The following PLOD3 variants were observed in gnomAD, a reference collection of about 807,000 sequenced individuals.
The protein encoded by PLOD3 is procollagen-lysine,2-oxoglutarate 5-dioxygenase 3.
PLOD3 carries 73 observed loss-of-function variants against 96.9 expected under a neutral mutation model. That is an observed-to-expected ratio of 0.75 (90% CI 0.62 to 0.92). The LOEUF is 0.92. Among genes scored for constraint, PLOD3 ranks in the 40% least tolerant of loss-of-function variants. The pLI, the probability that PLOD3 is intolerant of heterozygous loss-of-function variation, is 0.00. For synonymous variants in PLOD3, 454 were observed against 413.7 expected (o/e 1.10, Z -1.18); for missense variants, 1,004 against 1,004.3 (o/e 1.00, Z 0.00).
At position 101,206,791 on chromosome 7, in the gene PLOD3, G is replaced by A. The variant is rs753540549; in HGVS notation, c.2049C>T (p.Gly683=). 3 of 1,583,750 alleles carry A rather than the reference G, an allele frequency of 1.9e-6. No individual in the cohort carries two copies. Among genetic ancestry groups the A allele is most frequent in the Non-Finnish European group, 2.6e-6 (3 of 1,164,796 alleles). The stretch of plus-strand genomic sequence containing the variant: ...GACTGGGGCGCACCTCATAGTCCAG[G>A]CCCTTGTGGTTGAGGGCAACGTTGA... ...FTLNVALNHK[G]LDYEGGGCRF... Residue 683 remains glycine (G), a synonymous_variant, in exon 18 of 19, where the codon GGC becomes GGT. Transcript: ENST00000223127.
Position 101,206,790 on chromosome 7 carries a change from G to A in PLOD3, c.2050C>T (p.Leu684=). 1 of 1,583,446 alleles carries A rather than the reference G, an allele frequency of 6.3e-7. No individual in the cohort carries two copies. ...TLNVALNHKG[L]DYEGGGCRFL... is the part of the protein sequence containing the mutation. ...TGACTGGGGCGCACCTCATAGTCCA[G>A]GCCCTTGTGGTTGAGGGCAACGTTG... The change falls in exon 18 of 19, where the codon CTG becomes TTG. Residue 684 remains leucine (L), a synonymous_variant. Coordinates refer to ENST00000223127, the MANE Select transcript of PLOD3 (RefSeq NM_001084.5).
Position 101,211,693 on chromosome 7 carries a change from G to A in PLOD3, c.1256C>T (p.Ser419Phe), listed in dbSNP as rs780103868. Residue 419 changes from serine (S) to phenylalanine (F), a missense_variant, in exon 12 of 19, where the codon TCC becomes TTC. By Grantham distance (155) the Ser-to-Phe change is radical. Coordinates refer to ENST00000223127, the MANE Select transcript of PLOD3 (RefSeq NM_001084.5). ...ENRKVIAPML[S>F]RHGKLWSNFW... ...GTTGGACCACAGCTTGCCGTGGCGG[G>A]ACAGCATGGGGGCGATCACCTTCCT... 6.2e-7 allele frequency: 1 copy of A among 1,606,778 alleles called. No homozygotes were observed. The highest frequency in any genetic ancestry group is 8.5e-7 in the Non-Finnish European group (1 of 1,177,280).
intron 5 of PLOD3, 28 bp downstream of exon 5, chr7:101,215,880 G>A (rs1330538846): frequency 1.4e-6 from 2 of 1,456,316 alleles, no homozygotes; most frequent in South Asian, 2.3e-5. Context: ...AGAGCTGCGG[G>A]ATGCGCCCAC....
chr7:101,217,291 A>C lies in PLOD3; in HGVS notation c.-17T>G. 6.9e-7 allele frequency: 1 copy of C among 1,449,506 alleles called. No homozygotes were observed. The allele number at this position is 1,449,506 out of a possible 1,614,324, so 89.8% of individuals were successfully genotyped here. On this transcript the variant is annotated 5_prime_UTR_variant, in exon 1 of 19. Transcript: ENST00000223127. ...GGAGGTCATGGTGGGGAGCGGGCCC[A>C]GACAGCACCCAGGATCCTGGGATCT...
In PLOD3 at chr7:101,217,383, G is replaced by T. The variant is rs1021001501; in HGVS notation, c.-109C>A. ...AAAGGGGGCGCTCGGGCTGCTGTGC[G>T]GCCGCCGCGGGGAGCAGCTTGGCTG... is the stretch of plus-strand genomic sequence containing the variant. On this transcript the variant is annotated 5_prime_UTR_variant, in exon 1 of 19. Coordinates refer to ENST00000223127, the MANE Select transcript of PLOD3 (RefSeq NM_001084.5). The T allele has an allele frequency of 8.8e-7, 1 of 1,134,578 alleles. No homozygotes were observed. Among genetic ancestry groups the T allele is most frequent in the Non-Finnish European group, 1.1e-6 (1 of 871,014 alleles). 70.3% of individuals were successfully genotyped at this position (1,134,578 alleles called of 1,614,324 possible).
chr7:101,210,753 C>T, intron 12 of PLOD3, 80 bp from the exon 13 acceptor site: 1 of 1,530,976 alleles, frequency 6.5e-7, no homozygotes, highest in Non-Finnish European at 9.0e-7. Flanking sequence ...GTCCTTCTTC[C>T]CTCAGGGTAT....
intron 6 of PLOD3, among the ~76,000 whole-genome samples, chr7:101,214,726 A>C (rs1798240997): frequency 6.6e-6 from 1 of 151,978 alleles, no homozygotes; most frequent in African/African-American, 2.4e-5. Context: ...AATCCCAGCT[A>C]CTCGGGAGGC....
chr7:101,213,005 C>T (rs1275099901), intron 7 of PLOD3, 62 bp from the exon 8 acceptor site: 2 of 1,426,586 alleles, frequency 1.4e-6, no homozygotes, highest in Admixed American at 1.7e-5. Context: ...GGGGGTCAGG[C>T]ACCTCTGATA....
At chr7:101,216,136 C>T (rs540193921) in intron 4 of PLOD3, 27 bp downstream of exon 4, 1 of 1,614,026 alleles carries the variant, frequency 6.2e-7, no homozygotes, top group Admixed American at 1.7e-5. Context: ...CTCTTGGCCC[C>T]TCTGCCTTGG....
At position 101,211,826 on chromosome 7, in the gene PLOD3, G is replaced by C; in HGVS notation, c.1232+20C>G. ...GCCTGTTGGGGTGCCCTCCGGCTGC[G>C]GGGAGAGGGGGTAAGCCACCTGTTC... is the stretch of plus-strand genomic sequence containing the variant. On this transcript the variant is annotated intron_variant, in intron 11 of 18. Transcript: ENST00000223127. 6.3e-7 allele frequency: 1 copy of C among 1,599,036 alleles called. No homozygotes were observed. The highest frequency in any genetic ancestry group is 8.5e-7 in the Non-Finnish European group (1 of 1,169,780).
intron 16 of PLOD3, among the ~76,000 whole-genome samples, chr7:101,208,378 A>C (rs1798119696): frequency 6.6e-6 from 1 of 152,096 alleles, no homozygotes; most frequent in Non-Finnish European, 1.5e-5. Context: ...AGTAGCTGGG[A>C]CTACAGGCGC....
chr7:101,209,932 G>A (rs1798154988), intron 15 of PLOD3, 161 bp downstream of exon 15: 3 of 594,534 alleles, frequency 5.0e-6, no homozygotes, highest in East Asian at 2.8e-5. Flanking sequence ...GGCTTTGGGG[G>A]CAAGAGTCCT....
intron 14 of PLOD3, 40 bp downstream of exon 14, chr7:101,210,291 C>T (rs374002462): frequency 1.6e-4 from 252 of 1,550,868 alleles, no homozygotes; most frequent in South Asian, 2.1e-4. Flanking sequence ...TAGCACAAGG[C>T]GGGGAACCTG....
In PLOD3 at chr7:101,217,165, C is replaced by G; in HGVS notation, c.109+1G>C. The G allele has an allele frequency of 1.3e-6, 2 of 1,485,386 alleles. No individual in the cohort carries two copies. The highest frequency in any genetic ancestry group is 1.8e-6 in the Non-Finnish European group (2 of 1,119,302). 92.0% of individuals were successfully genotyped at this position (1,485,386 alleles called of 1,614,324 possible). ...CGTGCCGGGCCTCCCCGGGATCTCA[C>G]CTGGGTTGACCGGGTCTCGGCCCCG... On this transcript the variant is annotated splice_donor_variant, in intron 1 of 18. Transcript: ENST00000223127. LOFTEE classifies it high-confidence loss of function.
Position 101,208,861 on chromosome 7 carries a change from G to A in PLOD3, c.1780C>T (p.Arg594Trp), listed in dbSNP as rs369393050. The change falls in exon 16 of 19, where the codon CGG becomes TGG. Residue 594 changes from arginine to tryptophan, a missense_variant. This residue lies in a region of PLOD3 where 222 missense variants were observed against 220.4 expected (regional missense o/e 1.01). Transcript: ENST00000223127. ...CTCGCCCAGGCCCTTACCTCATGCC[G>A]GCCGCCTGACCACTGGCCGTAGTGC... ...MEHYGQWSGGRHEDSRLAGGY... is the reference protein window; with the variant it reads ...MEHYGQWSGGWHEDSRLAGGY... The A allele has an allele frequency of 3.4e-5, 55 of 1,610,872 alleles. No homozygotes were observed. The highest frequency in any genetic ancestry group is 2.3e-4 in the African/African-American group (17 of 74,856).
rs1798155954 is a variant in PLOD3 at position 101,210,015 on chromosome 7, CTT to C, written c.1683+76_1683+77del. The C allele has an allele frequency of 1.1e-4, 68 of 634,396 alleles. No individual in the cohort carries two copies. The South Asian group carries it at 1.2e-3, about 11-fold the overall frequency. The allele number at this position is 634,396 out of a possible 1,614,324, so 39.3% of individuals were successfully genotyped here. A position where few individuals can be genotyped will look rare whatever the true frequency, so the allele number is the denominator to read the frequency against. ...ATCTCTGGGGAACTCAGTGTGAAAA[CTT>C]TGAATCCAGGCGGGGGCCCCCAAGA... On this transcript the variant is annotated intron_variant, in intron 15 of 18. Coordinates refer to ENST00000223127, the MANE Select transcript of PLOD3 (RefSeq NM_001084.5).
At chr7:101,213,041 C>G in intron 7 of PLOD3, 66 bp downstream of exon 7, 1 of 1,325,570 alleles carries the variant, frequency 7.5e-7, no homozygotes, top group Non-Finnish European at 1.1e-6. Context: ...GCCAGCTTCT[C>G]AGAAGGGTTG....
chr7:101,213,025 G>A, intron 7 of PLOD3, 82 bp from the exon 8 acceptor site: 1 of 1,378,906 alleles, frequency 7.3e-7, no homozygotes, highest in East Asian at 2.3e-5. Context: ...ATGGGGGCTG[G>A]GAAGGGCCAG....
At chr7:101,216,941 G>C (rs536137980) in intron 1 of PLOD3, 155 bp from the exon 2 acceptor site, 103 of 742,256 alleles carry the variant, frequency 1.4e-4, no homozygotes, top group Non-Finnish European at 1.7e-4. Flanking sequence ...AGGAGGGCAG[G>C]GTGGGAGTGG....
Sources: allele counts gnomAD v4.1 joint callset (sites outside exome capture counted in the v4.1 genomes callset), GRCh38; gene constraint gnomAD v4.1.1; regional missense constraint gnomAD v4.1.1; transcripts MANE v1.5; gene names NCBI Gene and HGNC (gene_info 2026-07-23, HGNC 2026-07-21).